FRK: variants seen among roughly 807,000 people sequenced by gnomAD.
The protein encoded by FRK is fyn related Src family tyrosine kinase.
In FRK, 51 loss-of-function variants were observed where a neutral mutation model predicts 56.4. That is an observed-to-expected ratio of 0.90 (90% CI 0.72 to 1.14). The LOEUF is 1.14. FRK is among the 50% of genes most tolerant of loss of function. The pLI is 0.00. For missense variants in FRK, 570 were observed against 601.4 expected, an observed-to-expected ratio of 0.95 and a Z score of 0.55; for synonymous variants, 245 against 217.9, an observed-to-expected ratio of 1.12 and a Z score of -1.10.
At chr6:116,070,929 G>A in the FRK span, among the ~76,000 whole-genome samples, 1 of 151,800 alleles carries the variant, frequency 6.6e-6, no homozygotes, top group African/African-American at 2.4e-5. Context: ...TTTTGATATT[G>A]GACATTTTTA....
Position 115,939,237 on chromosome 6 carries a change from C to T in FRK, c.*3177G>A, listed in dbSNP as rs1215715827. 1 of 152,086 alleles carries T rather than the reference C, an allele frequency of 6.6e-6. No homozygotes were observed. Among genetic ancestry groups the T allele is most frequent in the Non-Finnish European group, 1.5e-5 (1 of 68,020 alleles). The allele number at this position is 152,086 out of a possible 1,614,324, so 9.4% of individuals were successfully genotyped here. A position where few individuals can be genotyped will look rare whatever the true frequency, so the allele number is the denominator to read the frequency against. ...CATAAACAGAACCAATGACAAAAAC[C>T]ACATGATGATCTCAATAGATGCAGA... On this transcript the variant is annotated 3_prime_UTR_variant, in exon 8 of 8. Coordinates refer to ENST00000606080, the MANE Select transcript of FRK (RefSeq NM_002031.3).
the FRK span, among the ~76,000 whole-genome samples, chr6:116,069,258 G>T: frequency 6.6e-6 from 1 of 152,178 alleles, no homozygotes; most frequent in East Asian, 1.9e-4. Context: ...CTTCTCTTTT[G>T]ATATTTCACC....
intron 1 of FRK, among the ~76,000 whole-genome samples, chr6:116,014,472 A>C (rs1186842633): frequency 6.6e-6 from 1 of 152,132 alleles, no homozygotes; most frequent in East Asian, 1.9e-4. Context: ...AAATCTAAAA[A>C]AATGAAAGAC....
chr6:115,958,716 A>AAGGAAGGAAGG (rs1562257518), intron 4 of FRK, among the ~76,000 whole-genome samples: 3 of 20,282 alleles, frequency 1.5e-4, no homozygotes, highest in African/African-American at 6.1e-4. Flanking sequence ...AGAAAGAAAG[A>AAGGAAGGAAGG]AAGAAAGAAA....
intron 1 of FRK, 46 bp from the exon 2 acceptor site, chr6:116,004,044 T>C (rs1384841294): frequency 6.4e-7 from 1 of 1,556,156 alleles, no homozygotes; most frequent in Non-Finnish European, 8.8e-7. Flanking sequence ...TTAACATTCA[T>C]TTTTTAAGGA....
intron 2 of FRK, among the ~76,000 whole-genome samples, chr6:115,979,435 T>C (rs1162769069): frequency 6.6e-6 from 1 of 152,184 alleles, no homozygotes; most frequent in African/African-American, 2.4e-5. Context: ...TGTTTTACAC[T>C]GTTATTACAA....
At chr6:115,966,080 C>CT (rs58191827) in intron 4 of FRK, among the ~76,000 whole-genome samples, 99,320 of 130,718 alleles carry the variant, frequency 0.76, 35,441 homozygotes, top group South Asian at 0.9. Flanking sequence ...AAAAGAAATA[C>CT]TTAAAAAAAA....
At chr6:116,077,516 G>C in the FRK span, among the ~76,000 whole-genome samples, 3 of 152,132 alleles carry the variant, frequency 2.0e-5, no homozygotes, top group Non-Finnish European at 2.9e-5. Context: ...ATACATGCAC[G>C]GTGCTAATTC....
intron 4 of FRK, among the ~76,000 whole-genome samples, chr6:115,958,716 A>AAGG (rs1562257518): frequency 3.5e-4 from 7 of 20,264 alleles, no homozygotes; most frequent in African/African-American, 1.4e-3. Flanking sequence ...AGAAAGAAAG[A>AAGG]AAGAAAGAAA....
chr6:116,039,613 C>T, intron 1 of FRK: 1 of 768,054 alleles, frequency 1.3e-6, no homozygotes, highest in Admixed American at 1.7e-5. Flanking sequence ...CTCTTGCGGC[C>T]TCATCCAAAC....
the FRK span, among the ~76,000 whole-genome samples, chr6:116,066,939 T>G: frequency 1.3e-5 from 2 of 152,196 alleles, no homozygotes; most frequent in Admixed American, 6.5e-5. Context: ...TTGAATTGTG[T>G]CCTCCAAAAG....
chr6:116,029,947 T>G (rs1033985476), intron 1 of FRK, among the ~76,000 whole-genome samples: 30 of 152,216 alleles, frequency 2.0e-4, no homozygotes, highest in African/African-American at 5.3e-4. Flanking sequence ...TAGTTTAACT[T>G]TATTAATTCC....
intron 1 of FRK, among the ~76,000 whole-genome samples, chr6:116,024,008 GA>G (rs1317539147): frequency 6.7e-6 from 1 of 150,176 alleles, no homozygotes. Flanking sequence ...TTTGATCACA[GA>G]AATCTTTTCA....
At chr6:115,983,975 G>A (rs1421018512) in intron 2 of FRK, among the ~76,000 whole-genome samples, 1 of 152,092 alleles carries the variant, frequency 6.6e-6, no homozygotes, top group African/African-American at 2.4e-5. Context: ...CTCCCTGAAT[G>A]TACTATGGTG....
intron 2 of FRK, among the ~76,000 whole-genome samples, chr6:115,975,439 G>A (rs1350778351): frequency 2.6e-5 from 4 of 152,066 alleles, no homozygotes; most frequent in African/African-American, 9.7e-5. Context: ...TACAGAATAC[G>A]AACTGTTTTT....
At chr6:115,943,842 G>C (rs1156592218) in intron 6 of FRK, among the ~76,000 whole-genome samples, 1 of 152,088 alleles carries the variant, frequency 6.6e-6, no homozygotes, top group Non-Finnish European at 1.5e-5. Context: ...AAATCAAAAA[G>C]CCAATGATTG....
chr6:115,996,931 T>C (rs909190889), intron 2 of FRK, among the ~76,000 whole-genome samples: 5 of 152,226 alleles, frequency 3.3e-5, no homozygotes, highest in Non-Finnish European at 7.3e-5. Flanking sequence ...AAGCTGTTAC[T>C]GTTCTCATTA....
At chr6:115,980,655 A>C (rs993319452) in intron 2 of FRK, among the ~76,000 whole-genome samples, 1 of 152,182 alleles carries the variant, frequency 6.6e-6, no homozygotes, top group Non-Finnish European at 1.5e-5. Context: ...GCTTTTTTAG[A>C]AAAGCAGTAT....
the FRK span, among the ~76,000 whole-genome samples, chr6:116,067,426 T>C: frequency 2.0e-5 from 3 of 152,266 alleles, no homozygotes. Flanking sequence ...CTCATCACAC[T>C]CTGTATTTAC....
Sources: gnomAD v4.1 joint callset for allele counts (sites outside exome capture counted in the v4.1 genomes callset) on GRCh38, gnomAD v4.1.1 for gene constraint, MANE v1.5 for transcripts, NCBI Gene and HGNC (gene_info 2026-07-23, HGNC 2026-07-21) for gene names.